STK33: variants seen among roughly 807,000 people sequenced by gnomAD.
STK33 encodes the protein serine/threonine-protein kinase 33.
STK33 carries 52 observed loss-of-function variants against 58.0 expected under a neutral mutation model. The observed-to-expected ratio is 0.90, with a 90% CI of 0.72 to 1.13. The LOEUF is 1.13. Ranked by LOEUF, STK33 falls within the 50% of genes most tolerant of loss-of-function variation. STK33 has a pLI of 0.00. For missense variants in STK33, 630 were observed against 604.2 expected, an observed-to-expected ratio of 1.04 and a Z score of -0.45; for synonymous variants, 215 against 200.1, an observed-to-expected ratio of 1.07 and a Z score of -0.63.
In STK33 at chr11:8,525,592, T is replaced by C. The variant is rs1275395197; in HGVS notation, c.-465-44978A>G. Among the ~76,000 whole-genome samples, 6 of 152,326 alleles carry C rather than the reference T, an allele frequency of 3.9e-5. No individual in the cohort carries two copies. The South Asian group carries it at 8.3e-4, about 21-fold the overall frequency. On this transcript the variant is annotated intron_variant, in intron 1 of 15. Transcript: ENST00000687296. ...ATTCTACACCATACATTAATATTAA[T>C]TTCAGGCGGATTATAAATGTAAACC...
intron 14 of STK33, among the ~76,000 whole-genome samples, chr11:8,424,530 T>C (rs1283926075): frequency 2.0e-5 from 3 of 151,884 alleles, no homozygotes; most frequent in African/African-American, 7.3e-5. Flanking sequence ...GGTCAAATGG[T>C]AATTCTAATT....
At chr11:8,401,594 G>A (rs1485689516) in intron 15 of STK33, among the ~76,000 whole-genome samples, 3 of 152,028 alleles carry the variant, frequency 2.0e-5, no homozygotes, top group Non-Finnish European at 4.4e-5. Flanking sequence ...CAAAAGCAAT[G>A]GCAACAAAAG....
chr11:8,517,468 A>C (rs1483113555), intron 1 of STK33, among the ~76,000 whole-genome samples: 1 of 152,266 alleles, frequency 6.6e-6, no homozygotes, highest in African/African-American at 2.4e-5. Context: ...GCAACGGAAC[A>C]AAGCTGGACG....
intron 1 of STK33, among the ~76,000 whole-genome samples, chr11:8,501,028 A>G (rs1951475701): frequency 6.6e-6 from 1 of 152,208 alleles, no homozygotes; most frequent in African/African-American, 2.4e-5. Flanking sequence ...ATCTCACACC[A>G]TATACAAAAC....
chr11:8,408,866 AT>A (rs2135521207), intron 15 of STK33, among the ~76,000 whole-genome samples: 2 of 152,322 alleles, frequency 1.3e-5, no homozygotes, highest in East Asian at 3.9e-4. Flanking sequence ...GATGTGCTTA[AT>A]TCCCCCTGCA....
the STK33 span, among the ~76,000 whole-genome samples, chr11:8,341,297 G>A: frequency 3.9e-5 from 6 of 152,192 alleles, no homozygotes; most frequent in African/African-American, 1.2e-4. Flanking sequence ...AGAGGACAGC[G>A]ACCCCACAAA....
chr11:8,400,679 T>C (rs1220747068), intron 15 of STK33, among the ~76,000 whole-genome samples: 1 of 152,198 alleles, frequency 6.6e-6, no homozygotes, highest in Non-Finnish European at 1.5e-5. Flanking sequence ...GAAGTCAAAT[T>C]GTCCCTGTTT....
intron 11 of STK33, among the ~76,000 whole-genome samples, chr11:8,441,918 A>G (rs903344468): frequency 2.6e-5 from 4 of 152,076 alleles, no homozygotes; most frequent in Non-Finnish European, 4.4e-5. Context: ...TAAGTTTCAC[A>G]TATATTAAGT....
the STK33 span, among the ~76,000 whole-genome samples, chr11:8,337,042 C>T: frequency 5.3e-5 from 8 of 152,224 alleles, no homozygotes; most frequent in Admixed American, 2.0e-4. Context: ...GATGTGCTGA[C>T]GAGGCACTTT....
At chr11:8,407,368 A>C (rs1939421214) in intron 15 of STK33, among the ~76,000 whole-genome samples, 1 of 152,094 alleles carries the variant, frequency 6.6e-6, no homozygotes, top group Non-Finnish European at 1.5e-5. Flanking sequence ...ATGCCTTATA[A>C]ATGAGTTGGG....
chr11:8,367,683 C>T, the STK33 span, among the ~76,000 whole-genome samples: 132,531 of 152,250 alleles, frequency 0.87, 57,811 homozygotes, highest in Middle Eastern at 0.97. Context: ...AGCAACCCTA[C>T]GAAGTGGGCA....
chr11:8,380,794 T>C, the STK33 span, among the ~76,000 whole-genome samples: 5 of 152,230 alleles, frequency 3.3e-5, no homozygotes, highest in African/African-American at 7.2e-5. Flanking sequence ...TGTATGTTTA[T>C]TGCAGGACAA....
chr11:8,396,589 G>A (rs139823965), intron 15 of STK33, among the ~76,000 whole-genome samples: 1,883 of 152,300 alleles, frequency 0.012, 38 homozygotes, highest in African/African-American at 0.042. Flanking sequence ...TCCAACTGAG[G>A]TACCAGGTTC....
At chr11:8,493,264 T>C (rs750429568) in intron 1 of STK33, among the ~76,000 whole-genome samples, 5 of 151,870 alleles carry the variant, frequency 3.3e-5, no homozygotes, top group Non-Finnish European at 5.9e-5. Context: ...ATAAAGGGGA[T>C]AGCACCACCG....
intron 1 of STK33, among the ~76,000 whole-genome samples, chr11:8,541,372 AT>A (rs1955507185): frequency 6.6e-6 from 1 of 152,184 alleles, no homozygotes; most frequent in African/African-American, 2.4e-5. Flanking sequence ...TTGAAGCAAG[AT>A]AACTCAGTAG....
At chr11:8,376,709 T>C in the STK33 span, among the ~76,000 whole-genome samples, 1 of 151,980 alleles carries the variant, frequency 6.6e-6, no homozygotes. Context: ...GCCTGGCCAG[T>C]TTTTTGTATT....
chr11:8,411,396 G>A lies in STK33; in HGVS notation c.1344+2099C>T, dbSNP rs575317158. 2.1e-4 allele frequency among the ~76,000 whole-genome samples: 32 copies of A among 152,306 alleles called. 1 individual carries two copies. Among genetic ancestry groups the A allele is most frequent in the African/African-American group, 7.2e-4 (30 of 41,554 alleles). On this transcript the variant is annotated intron_variant, in intron 15 of 15. Transcript: ENST00000687296. ...CAGACTGCATTTTCCCATAATGTCC[G>A]AGGCATTTGGAACTAAGGGACCATT...
intron 1 of STK33, among the ~76,000 whole-genome samples, chr11:8,494,933 C>G (rs1327896361): frequency 1.3e-5 from 2 of 152,174 alleles, no homozygotes; most frequent in African/African-American, 4.8e-5. Context: ...ACACCTTACA[C>G]AAAAATTAAC....
At chr11:8,423,241 T>C (rs568035424) in intron 14 of STK33, among the ~76,000 whole-genome samples, 22 of 151,982 alleles carry the variant, frequency 1.4e-4, no homozygotes, top group Admixed American at 1.4e-3. Flanking sequence ...TATTCTACCT[T>C]TGTGTTCTAT....
Sources: gnomAD v4.1 joint callset for allele counts (sites outside exome capture counted in the v4.1 genomes callset) on GRCh38, gnomAD v4.1.1 for gene constraint, MANE v1.5 for transcripts, NCBI Gene and HGNC (gene_info 2026-07-23, HGNC 2026-07-21) for gene names.